The following GBA2 variants were observed in gnomAD, a reference collection of about 807,000 sequenced individuals.
GBA2 encodes the protein glucosylceramidase beta 2.
A neutral mutation model predicts 112.9 loss-of-function variants in GBA2; 79 were observed. The ratio of observed to expected loss-of-function variants is 0.70; its 90% CI spans 0.58 to 0.84. The LOEUF (loss-of-function observed/expected upper bound fraction) is 0.84. GBA2 is among the 40% of genes least tolerant of loss of function. The pLI is 0.00. For missense variants in GBA2, 1,043 were observed against 1,190.0 expected (o/e 0.88, Z 1.82); for synonymous variants, 403 against 434.3 (o/e 0.93, Z 0.90).
Position 35,748,224 on chromosome 9 carries a change from T to A in GBA2, c.359+122A>T, listed in dbSNP as rs1827090001. 4 of 659,874 alleles carry A rather than the reference T, an allele frequency of 6.1e-6. No individual in the cohort carries two copies. The South Asian group carries it at 7.7e-5, about 13-fold the overall frequency. 40.9% of individuals were successfully genotyped at this position (659,874 alleles called of 1,614,324 possible). A position where few individuals can be genotyped will look rare whatever the true frequency, so the allele number is the denominator to read the frequency against. Reference sequence around the variant, plus strand: ...CCACAGGCCTAAAATATGCCAGGGATAGGGACCGCTTCACTCAGACAAGAA... The same window carrying A: ...CCACAGGCCTAAAATATGCCAGGGAAAGGGACCGCTTCACTCAGACAAGAA... On this transcript the variant is annotated intron_variant, in intron 1 of 16. Coordinates refer to ENST00000378103, the MANE Select transcript of GBA2 (RefSeq NM_020944.3).
Position 35,740,129 on chromosome 9 carries a change from G to A in GBA2, c.1284-6C>T. ...CAAAGAACCTTGTATACCGCCTGGG[G>A]TGGGAAGGGGAAGGATGAACACAAG... On this transcript the variant is annotated splice_region_variant and splice_polypyrimidine_tract_variant and intron_variant, in intron 7 of 16. Coordinates refer to ENST00000378103, the MANE Select transcript of GBA2 (RefSeq NM_020944.3). The surrounding 1 kb of genome is among the most constrained non-coding windows in gnomAD (Gnocchi z 4.7). 2 of 1,614,118 alleles carry A rather than the reference G, an allele frequency of 1.2e-6. No homozygotes were observed. The highest frequency in any genetic ancestry group is 1.7e-6 in the Non-Finnish European group (2 of 1,179,984).
Position 35,740,296 on chromosome 9 carries a change from C to G in GBA2, c.1196G>C (p.Arg399Pro), listed in dbSNP as rs142607078. 2.3e-3 allele frequency: 3,644 copies of G among 1,613,942 alleles called. 8 individuals are homozygous for G. Among genetic ancestry groups the G allele is most frequent in the Non-Finnish European group, 2.9e-3 (3,386 of 1,180,014 alleles). Reference sequence around the variant, plus strand: ...CTCCAGGCGGCACTGGCCTCGAGGTCGCAACTTGCTGGAAACACACACAGC... The same window carrying G: ...CTCCAGGCGGCACTGGCCTCGAGGTGGCAACTTGCTGGAAACACACACAGC... ...AGAVCVSSKL[R>P]PRGQCRLEFS... is the part of the protein sequence containing the mutation. Residue 399 changes from arginine to proline, a missense_variant, in exon 7 of 17, where the codon CGA (arginine) becomes CCA (proline). Arg to Pro is a moderately radical substitution (Grantham distance 103). Transcript: ENST00000378103. The surrounding 1 kb of genome is among the most constrained non-coding windows in gnomAD (Gnocchi z 4.7).
chr9:35,749,138 C>T lies in GBA2; in HGVS notation c.-434G>A. On this transcript the variant is annotated 5_prime_UTR_variant, in exon 1 of 17. Transcript: ENST00000378103. The surrounding 1 kb of genome is among the most constrained non-coding windows in gnomAD (Gnocchi z 4.4). Reference sequence around the variant, plus strand: ...CCCCAGGATTGGGCGCCAGGTCCCGCCGGCCGGCTCCGGGGCAGCGCCCGC... The same window carrying T: ...CCCCAGGATTGGGCGCCAGGTCCCGTCGGCCGGCTCCGGGGCAGCGCCCGC... 3.7e-6 allele frequency: 1 copy of T among 268,146 alleles called. No individual in the cohort carries two copies. The highest frequency in any genetic ancestry group is 7.3e-6 in the Non-Finnish European group (1 of 136,664). The allele number at this position is 268,146 out of a possible 1,614,324, so 16.6% of individuals were successfully genotyped here.
chr9:35,737,028 T>G lies in GBA2; in HGVS notation c.*141A>C, dbSNP rs764517257. 4.2e-5 allele frequency: 56 copies of G among 1,337,794 alleles called. No homozygotes were observed. The highest frequency in any genetic ancestry group is 5.6e-5 in the Non-Finnish European group (56 of 993,260). 82.9% of individuals were successfully genotyped at this position (1,337,794 alleles called of 1,614,324 possible). A position where few individuals can be genotyped will look rare whatever the true frequency, so the allele number is the denominator to read the frequency against. The stretch of plus-strand genomic sequence containing the variant: ...TGCCTAGGTCACCCTCAACCCCCAT[T>G]TACTGGCACAATTGGGTGGAGAGAA... On this transcript the variant is annotated 3_prime_UTR_variant, in exon 17 of 17. Transcript: ENST00000378103. This position sits in a 1 kb window ranked among gnomAD's most constrained non-coding sequence, Gnocchi z 4.1.
rs200729444 is a variant in GBA2 at position 35,740,658 on chromosome 9, G to T, written c.1027-30C>A. The T allele has an allele frequency of 6.4e-7, 1 of 1,563,726 alleles. No homozygotes were observed. Among genetic ancestry groups the T allele is most frequent in the African/African-American group, 1.4e-5 (1 of 74,008 alleles). ...GAAGGGGTCAGGGACTGTGAGGGCA[G>T]GCTCCACGAGTACACTGGGTCCCGG... On this transcript the variant is annotated intron_variant, in intron 5 of 16. Transcript: ENST00000378103. This position sits in a 1 kb window ranked among gnomAD's most constrained non-coding sequence, Gnocchi z 4.7.
rs1588026837 is a variant in GBA2, at chr9:35,746,637, T to C, written c.359+1709A>G. Among the ~76,000 whole-genome samples the C allele has an allele frequency of 6.7e-6, 1 of 149,418 alleles. No homozygotes were observed. The highest frequency in any genetic ancestry group is 2.5e-5 in the African/African-American group (1 of 40,528). On this transcript the variant is annotated intron_variant, in intron 1 of 16. Transcript: ENST00000378103. The surrounding 1 kb of genome is among the most constrained non-coding windows in gnomAD (Gnocchi z 5.2). ...AAAAAGGGACAGCACATTCTAGGGG[T>C]GGAAAGAAGAGGGAAGACAAAGGAT...
Position 35,738,635 on chromosome 9 carries a change from A to G in GBA2, c.1948-3T>C. 2 of 1,610,306 alleles carry G rather than the reference A, an allele frequency of 1.2e-6. No individual in the cohort carries two copies. Among genetic ancestry groups the G allele is most frequent in the Non-Finnish European group, 1.7e-6 (2 of 1,176,510 alleles). On this transcript the variant is annotated splice_polypyrimidine_tract_variant and splice_region_variant and intron_variant, in intron 12 of 16. Coordinates refer to ENST00000378103, the MANE Select transcript of GBA2 (RefSeq NM_020944.3). ...TTCATTTCAGATTCCATCACAGCCTAGAGAGGGACCAAGATGTTGAAGACC... is the reference window on the plus strand; with the variant it reads ...TTCATTTCAGATTCCATCACAGCCTGGAGAGGGACCAAGATGTTGAAGACC...
chr9:35,742,633 C>A (rs924415057), intron 3 of GBA2, among the ~76,000 whole-genome samples: 2 of 152,118 alleles, frequency 1.3e-5, no homozygotes, highest in African/African-American at 4.8e-5. Context: ...CACTGATGCA[C>A]CCTTCTTCAG....
At chr9:35,744,571 G>T (rs1189462941) in intron 2 of GBA2, 44 bp downstream of exon 2, 2 of 1,246,464 alleles carry the variant, frequency 1.6e-6, no homozygotes, top group Non-Finnish European at 1.2e-6. Context: ...TAGACCTGGA[G>T]GCTAGGCCTT....
chr9:35,739,841 C>A (rs772718778), intron 8 of GBA2, 41 bp from the exon 9 acceptor site: 20 of 1,594,112 alleles, frequency 1.3e-5, no homozygotes, highest in Non-Finnish European at 1.7e-5. Flanking sequence ...GGAACATGTA[C>A]CTCCCAAGAT....
At position 35,738,996 on chromosome 9, in the gene GBA2, T is replaced by G; in HGVS notation, c.1795+6A>C. The G allele has an allele frequency of 6.2e-7, 1 of 1,610,210 alleles. No individual in the cohort carries two copies. Among genetic ancestry groups the G allele is most frequent in the South Asian group, 1.1e-5 (1 of 90,914 alleles). On this transcript the variant is annotated splice_donor_region_variant and intron_variant, in intron 11 of 16. Transcript: ENST00000378103. ...GAGGGAAGCTGACCTTGGGGTGGAC[T>G]TTTACCTGGGTCCCCAATATCATGG... is the stretch of plus-strand genomic sequence containing the variant.
At position 35,738,298 on chromosome 9, in the gene GBA2, T is replaced by C. The variant is rs1826373708; in HGVS notation, c.2131A>G (p.Ile711Val). Residue 711 changes from isoleucine (I) to valine (V), a missense_variant, in exon 14 of 17, where the codon ATC becomes GTC. Transcript: ENST00000378103. ...QMAALCGAQD[I>V]QDKFSSILSR... ...AGGATAGAAGAAAACTTATCCTGGA[T>C]GTCCTGTGCCCCACACAGAGCAGCC... 1 of 1,614,162 alleles carries C rather than the reference T, an allele frequency of 6.2e-7. No individual in the cohort carries two copies. Among genetic ancestry groups the C allele is most frequent in the Non-Finnish European group, 8.5e-7 (1 of 1,179,980 alleles).
At chr9:35,744,753 T>A in intron 1 of GBA2, 47 bp from the exon 2 acceptor site, 1 of 1,016,524 alleles carries the variant, frequency 9.8e-7, no homozygotes, top group East Asian at 2.4e-5. Context: ...GGTGGGCAGC[T>A]GTTCACAGGC....
rs1329156952 is a variant in GBA2, at chr9:35,740,608, G to A, written c.1047C>T (p.His349=). The part of the protein sequence containing the change: ...ARVTAATTVT[H]ITAFDPDSTG... ...TGCTGTCAGGGTCAAAGGCTGTGAT[G>A]TGGGTTACCGTGGTAGCTGCCTGTG... The change falls in exon 6 of 17, where the codon CAC becomes CAT. Residue 349 remains histidine (H), a synonymous_variant. Coordinates refer to ENST00000378103, the MANE Select transcript of GBA2 (RefSeq NM_020944.3). This position sits in a 1 kb window ranked among gnomAD's most constrained non-coding sequence, Gnocchi z 4.7. 2 of 1,613,736 alleles carry A rather than the reference G, an allele frequency of 1.2e-6. No individual in the cohort carries two copies. The highest frequency in any genetic ancestry group is 1.7e-6 in the Non-Finnish European group (2 of 1,179,592).
In GBA2 at chr9:35,738,733, C is replaced by G. The variant is rs758579421; in HGVS notation, c.1947+19G>C. 1 of 1,613,172 alleles carries G rather than the reference C, an allele frequency of 6.2e-7. No homozygotes were observed. The highest frequency in any genetic ancestry group is 1.7e-5 in the Admixed American group (1 of 60,036). On this transcript the variant is annotated intron_variant, in intron 12 of 16. Transcript: ENST00000378103. ...AACCATACCCCTGGCACACTGGCCA[C>G]TGCATGTGCATCCCTTACTAGACAC...
In GBA2 at chr9:35,739,674, G is replaced by T. The variant is rs1453131828; in HGVS notation, c.1536C>A (p.His512Gln). ...CGTAGTCCCGTAGGGTGGGGCGGAGGTGACACATGTTTCTGCCCAGCTCCT... is the reference window on the plus strand; with the variant it reads ...CGTAGTCCCGTAGGGTGGGGCGGAGTTGACACATGTTTCTGCCCAGCTCCT... ...LPEELGRNMC[H>Q]LRPTLRDYGR... The change falls in exon 9 of 17, where the codon CAC becomes CAA. Residue 512 changes from histidine to glutamine, a missense_variant. Transcript: ENST00000378103. 1 of 1,614,016 alleles carries T rather than the reference G, an allele frequency of 6.2e-7. No homozygotes were observed. Among genetic ancestry groups the T allele is most frequent in the African/African-American group, 1.3e-5 (1 of 74,914 alleles).
At chr9:35,739,571 T>C in intron 9 of GBA2, 57 bp downstream of exon 9, 2 of 1,533,192 alleles carry the variant, frequency 1.3e-6, no homozygotes, top group Admixed American at 3.4e-5. Flanking sequence ...GGTAGGCAAA[T>C]CCATCATCCT....
In GBA2 at chr9:35,739,059, C is replaced by A; in HGVS notation, c.1738G>T (p.Gly580Trp). Reference sequence around the variant, plus strand: ...CTCCTTTTCACAGGTGCCATCACCCCACTCATCAGGTACCGTCGCCGTGTC... The same window carrying A: ...CTCCTTTTCACAGGTGCCATCACCCAACTCATCAGGTACCGTCGCCGTGTC... ...DLTRRRYLMS[G>W]VMAPVKRRNV... is the part of the protein sequence containing the mutation. The change falls in exon 11 of 17, where the codon GGG becomes TGG. Residue 580 changes from glycine (G) to tryptophan (W), a missense_variant. Physicochemically the swap from Gly to Trp is radical, Grantham distance 184. Coordinates refer to ENST00000378103, the MANE Select transcript of GBA2 (RefSeq NM_020944.3). 2 of 1,613,750 alleles carry A rather than the reference C, an allele frequency of 1.2e-6. No individual in the cohort carries two copies. Among genetic ancestry groups the A allele is most frequent in the Non-Finnish European group, 1.7e-6 (2 of 1,179,816 alleles).
Position 35,744,738 on chromosome 9 carries a change from G to T in GBA2, c.360-32C>A, listed in dbSNP as rs768751366. The T allele has an allele frequency of 8.6e-6, 10 of 1,163,212 alleles. No individual in the cohort carries two copies. The Admixed American group carries it at 1.5e-4, about 18-fold the overall frequency. The allele number at this position is 1,163,212 out of a possible 1,614,324, so 72.1% of individuals were successfully genotyped here. On this transcript the variant is annotated intron_variant, in intron 1 of 16. Coordinates refer to ENST00000378103, the MANE Select transcript of GBA2 (RefSeq NM_020944.3). The stretch of plus-strand genomic sequence containing the variant: ...AGCAAGAGGCAATGTGAGTGGAAGG[G>T]GGCAGGTGGGCAGCTGTTCACAGGC...
Sources: gnomAD v4.1 joint callset for allele counts (sites outside exome capture counted in the v4.1 genomes callset) on GRCh38, gnomAD v4.1.1 for gene constraint, Gnocchi (gnomAD v3.1) non-coding constraint, MANE v1.5 for transcripts, NCBI Gene and HGNC (gene_info 2026-07-23, HGNC 2026-07-21) for gene names.